Variants in ADGRL3 observed in about 807,000 individuals in gnomAD.
ADGRL3 encodes calcium-independent alpha-latrotoxin receptor 3.
ADGRL3 carries 62 observed loss-of-function variants against 153.5 expected under a neutral mutation model. That is an observed-to-expected ratio of 0.40 (90% CI 0.33 to 0.50). The LOEUF (loss-of-function observed/expected upper bound fraction) is 0.50, where lower values mean the gene tolerates loss of function less well. Ranked by LOEUF, ADGRL3 falls within the 20% of genes least tolerant of loss-of-function variation. The pLI, the probability that ADGRL3 is intolerant of heterozygous loss-of-function variation, is 0.47. For synonymous variants in ADGRL3, 710 were observed against 672.5 expected, an observed-to-expected ratio of 1.06 and a Z score of -0.86; for missense variants, 1,641 against 1,859.4, an observed-to-expected ratio of 0.88 and a Z score of 2.16.
chr4:61,841,307 C>CTT (rs1561338722), intron 9 of ADGRL3, among the ~76,000 whole-genome samples: 2 of 151,920 alleles, frequency 1.3e-5, no homozygotes, highest in Admixed American at 1.3e-4. Context: ...GCTGGAGGCT[C>CTT]ACGTATTTGC....
chr4:61,834,325 T>C (rs1482022294), intron 9 of ADGRL3, among the ~76,000 whole-genome samples: 1 of 152,126 alleles, frequency 6.6e-6, no homozygotes, highest in East Asian at 1.9e-4. Flanking sequence ...TATTCCATGG[T>C]GTATGTGCCA....
intron 15 of ADGRL3, among the ~76,000 whole-genome samples, chr4:61,939,241 T>G (rs1371972887): frequency 6.6e-6 from 1 of 152,116 alleles, no homozygotes; most frequent in Non-Finnish European, 1.5e-5. Context: ...ACATTGCAAT[T>G]GAGAAATAAT....
chr4:61,836,870 T>C (rs1383141487), intron 9 of ADGRL3, among the ~76,000 whole-genome samples: 1 of 152,100 alleles, frequency 6.6e-6, no homozygotes, highest in Non-Finnish European at 1.5e-5. Context: ...GTAGTAATAC[T>C]GAATAATACA....
At position 61,833,777 on chromosome 4, in the gene ADGRL3, G is replaced by A. The variant is rs1024771489; in HGVS notation, c.1480+19888G>A. Among the ~76,000 whole-genome samples the A allele has an allele frequency of 1.7e-4, 26 of 152,158 alleles. 1 individual carries two copies. In the Middle Eastern group the frequency reaches 0.01, roughly 60 times the overall value. ...GCAAACTAGTCCCCAGGCAAGAAGG[G>A]GGTTTGTCTTGGGAAAGATTGTTAT... On this transcript the variant is annotated intron_variant, in intron 9 of 26. Coordinates refer to ENST00000683033, the MANE Select transcript of ADGRL3 (RefSeq NM_001387552.1).
At chr4:61,986,782 A>T (rs954567698) in intron 19 of ADGRL3, among the ~76,000 whole-genome samples, 22 of 152,214 alleles carry the variant, frequency 1.4e-4, no homozygotes, top group Admixed American at 2.6e-4. Flanking sequence ...ATTGTAAATA[A>T]ATTGTCCACA....
intron 5 of ADGRL3, among the ~76,000 whole-genome samples, chr4:61,663,486 G>A (rs551361881): frequency 1.3e-5 from 2 of 152,316 alleles, no homozygotes; most frequent in East Asian, 1.9e-4. Flanking sequence ...GTGGTGTGCA[G>A]CGGATGGACC....
intron 9 of ADGRL3, among the ~76,000 whole-genome samples, chr4:61,892,180 T>G (rs569673795): frequency 3.4e-3 from 306 of 89,098 alleles, no homozygotes; most frequent in African/African-American, 0.011. Context: ...AATTTCTGTT[T>G]CCTTTTTTTT....
chr4:61,494,134 A>G (rs761551634), intron 2 of ADGRL3, among the ~76,000 whole-genome samples: 9 of 149,034 alleles, frequency 6.0e-5, no homozygotes, highest in Non-Finnish European at 1.2e-4. Context: ...CTGTTCTGCT[A>G]ATTTGCATTT....
chr4:61,641,788 T>A (rs1334696941), intron 5 of ADGRL3, among the ~76,000 whole-genome samples: 2 of 151,146 alleles, frequency 1.3e-5, no homozygotes, highest in Admixed American at 6.6e-5. Flanking sequence ...TTATAGTCCT[T>A]CGGGTATATA....
At chr4:61,384,428 A>G (rs1488948768) in intron 2 of ADGRL3, among the ~76,000 whole-genome samples, 1 of 150,776 alleles carries the variant, frequency 6.6e-6, no homozygotes, top group African/African-American at 2.4e-5. Context: ...GCTTATTTAT[A>G]TATTATAAAA....
At chr4:61,539,041 A>G (rs569763583) in intron 4 of ADGRL3, among the ~76,000 whole-genome samples, 4 of 152,162 alleles carry the variant, frequency 2.6e-5, no homozygotes, top group Admixed American at 6.5e-5. Flanking sequence ...ATTGCAGACC[A>G]TGGTGGCTAC....
chr4:61,916,931 C>T (rs867339948), intron 13 of ADGRL3, among the ~76,000 whole-genome samples: 5 of 151,414 alleles, frequency 3.3e-5, no homozygotes, highest in African/African-American at 4.8e-5. Context: ...CCAGCCTGGG[C>T]GACAGAGTGA....
intron 3 of ADGRL3, among the ~76,000 whole-genome samples, chr4:61,512,250 T>G (rs2098467300): frequency 6.6e-6 from 1 of 152,214 alleles, no homozygotes; most frequent in Admixed American, 6.5e-5. Context: ...TAAAGAGTTT[T>G]GTACATAATA....
intron 1 of ADGRL3, among the ~76,000 whole-genome samples, chr4:61,241,535 T>A (rs1505669): frequency 0.52 from 78,718 of 151,844 alleles, 20,550 homozygotes; most frequent in South Asian, 0.57. Context: ...CCATTGTAAA[T>A]AAATTAATTC....
At chr4:61,904,006 T>C (rs2098681273) in intron 11 of ADGRL3, among the ~76,000 whole-genome samples, 3 of 151,772 alleles carry the variant, frequency 2.0e-5, no homozygotes, top group African/African-American at 7.2e-5. Flanking sequence ...TGAGCTCAAG[T>C]GATCCTCCTG....
intron 4 of ADGRL3, among the ~76,000 whole-genome samples, chr4:61,550,473 G>A (rs2148798476): frequency 6.6e-6 from 1 of 152,064 alleles, no homozygotes; most frequent in East Asian, 1.9e-4. Context: ...AGATATGCAT[G>A]CATGCATGTG....
intron 8 of ADGRL3, among the ~76,000 whole-genome samples, chr4:61,790,829 A>G (rs1580840323): frequency 6.6e-6 from 1 of 152,174 alleles, no homozygotes; most frequent in African/African-American, 2.4e-5. Flanking sequence ...GGAGCAAGTC[A>G]TGTCTTACAT....
intron 8 of ADGRL3, among the ~76,000 whole-genome samples, chr4:61,748,532 T>C (rs1172813187): frequency 6.6e-6 from 1 of 151,940 alleles, no homozygotes; most frequent in Non-Finnish European, 1.5e-5. Flanking sequence ...ATGGAACAGA[T>C]CAGAGCCCTC....
chr4:61,954,895 G>A (rs1419127673), intron 17 of ADGRL3, among the ~76,000 whole-genome samples: 1 of 152,138 alleles, frequency 6.6e-6, no homozygotes, highest in Non-Finnish European at 1.5e-5. Context: ...TGGCCTCAGA[G>A]AATTTATGGT....
Sources: allele counts gnomAD v4.1 joint callset (sites outside exome capture counted in the v4.1 genomes callset), GRCh38; gene constraint gnomAD v4.1.1; transcripts MANE v1.5; gene names NCBI Gene and HGNC (gene_info 2026-07-23, HGNC 2026-07-21).